Variants in PCBP4 observed in about 807,000 individuals in gnomAD.
PCBP4 encodes the protein poly(rC)-binding protein 4.
A neutral mutation model predicts 46.2 loss-of-function variants in PCBP4; 24 were observed. The ratio of observed to expected loss-of-function variants is 0.52; its 90% confidence interval spans 0.38 to 0.73. The LOEUF (loss-of-function observed/expected upper bound fraction) is 0.73. Among genes scored for constraint, PCBP4 ranks in the 30% least tolerant of loss-of-function variants. The pLI is 0.00. For synonymous variants in PCBP4, 203 were observed against 224.4 expected, an observed-to-expected ratio of 0.90 and a Z score of 0.85; for missense variants, 407 against 537.0, an observed-to-expected ratio of 0.76 and a Z score of 2.39.
Position 51,959,214 on chromosome 3 carries a change from G to A in PCBP4, c.700+15C>T, listed in dbSNP as rs1700014819. 6.2e-7 allele frequency: 1 copy of A among 1,613,750 alleles called. No homozygotes were observed. Among genetic ancestry groups the A allele is most frequent in the Non-Finnish European group, 8.5e-7 (1 of 1,179,840 alleles). ...TAGGACCCTCCCCCTGCCTCCTTGT[G>A]CAGGGGTGGCTTACCTGGCACCACG... On this transcript the variant is annotated intron_variant, in intron 11 of 13. Transcript: ENST00000461554. The surrounding 1 kb of genome is among the most constrained non-coding windows in gnomAD (Gnocchi z 5.6).
rs746575332 is a variant in PCBP4 at position 51,960,136 on chromosome 3, A to G, written c.387+53T>C. On this transcript the variant is annotated intron_variant, in intron 7 of 13. Transcript: ENST00000461554. This position sits in a 1 kb window ranked among gnomAD's most constrained non-coding sequence, Gnocchi z 5.0. ...ACGCCATAAGCCCAACACCCCTCTTACAACTGCTCCCTTGCCCCGGATTCC... is the reference window on the plus strand; with the variant it reads ...ACGCCATAAGCCCAACACCCCTCTTGCAACTGCTCCCTTGCCCCGGATTCC... 1.2e-6 allele frequency: 2 copies of G among 1,614,062 alleles called. No individual in the cohort carries two copies. Among genetic ancestry groups the G allele is most frequent in the East Asian group, 4.5e-5 (2 of 44,890 alleles).
Position 51,959,849 on chromosome 3 carries a change from C to T in PCBP4, c.516+46G>A, listed in dbSNP as rs1390297867. On this transcript the variant is annotated intron_variant, in intron 8 of 13. Transcript: ENST00000461554. This position sits in a 1 kb window ranked among gnomAD's most constrained non-coding sequence, Gnocchi z 5.6. Reference sequence around the variant, plus strand: ...GTTTGGGGTCCCCGACAAGGCAGACCCAGGGCCCATCTCCTGCCCCCTCTC... The same window carrying T: ...GTTTGGGGTCCCCGACAAGGCAGACTCAGGGCCCATCTCCTGCCCCCTCTC... 4 of 1,558,186 alleles carry T rather than the reference C, an allele frequency of 2.6e-6. No homozygotes were observed. The highest frequency in any genetic ancestry group is 3.5e-6 in the Non-Finnish European group (4 of 1,152,962).
intron 1 of PCBP4, among the ~76,000 whole-genome samples, chr3:51,964,203 G>C (rs1459356929): frequency 6.6e-6 from 1 of 152,192 alleles, no homozygotes; most frequent in Non-Finnish European, 1.5e-5. Flanking sequence ...AGGAGGCGGG[G>C]GGGTGACAGC....
intron 1 of PCBP4, among the ~76,000 whole-genome samples, chr3:51,965,993 A>G (rs1053256646): frequency 6.6e-6 from 1 of 152,202 alleles, no homozygotes; most frequent in East Asian, 1.9e-4. Flanking sequence ...CTTACCAATC[A>G]CAAGAGGGGC....
rs191496851 is a variant in PCBP4 at position 51,961,452 on chromosome 3, G to T, written c.-64-148C>A. On this transcript the variant is annotated intron_variant, in intron 2 of 13. Transcript: ENST00000461554. Reference sequence around the variant, plus strand: ...AGCGCCACACATCACTCTGACCAGGGTGCTTATGTGTGTCTCACGAGCTGT... The same window carrying T: ...AGCGCCACACATCACTCTGACCAGGTTGCTTATGTGTGTCTCACGAGCTGT... 3.2e-5 allele frequency: 30 copies of T among 926,482 alleles called. No homozygotes were observed. The African/African-American group carries it at 4.3e-4, about 13-fold the overall frequency. The allele number at this position is 926,482 out of a possible 1,614,324, so 57.4% of individuals were successfully genotyped here.
chr3:51,960,803 TG>T lies in PCBP4; in HGVS notation c.138+62del. Reference sequence around the variant, plus strand: ...CAGAAGGAGTGGTTCAGAGAGAAAGTGGGGCAGGGATCTCCCCTCCACATCA... The same window carrying T: ...CAGAAGGAGTGGTTCAGAGAGAAAGTGGGCAGGGATCTCCCCTCCACATCA... On this transcript the variant is annotated intron_variant, in intron 5 of 13. Coordinates refer to ENST00000461554, the MANE Select transcript of PCBP4 (RefSeq NM_001174100.2). The surrounding 1 kb of genome is among the most constrained non-coding windows in gnomAD (Gnocchi z 5.0). The T allele has an allele frequency of 6.4e-7, 1 of 1,573,700 alleles. No homozygotes were observed. Among genetic ancestry groups the T allele is most frequent in the Non-Finnish European group, 8.7e-7 (1 of 1,143,420 alleles).
In PCBP4 at chr3:51,960,798, G is replaced by C. The variant is rs962324643; in HGVS notation, c.138+68C>G. Reference sequence around the variant, plus strand: ...CAGCCCAGAAGGAGTGGTTCAGAGAGAAAGTGGGGCAGGGATCTCCCCTCC... The same window carrying C: ...CAGCCCAGAAGGAGTGGTTCAGAGACAAAGTGGGGCAGGGATCTCCCCTCC... On this transcript the variant is annotated intron_variant, in intron 5 of 13. Transcript: ENST00000461554. This position sits in a 1 kb window ranked among gnomAD's most constrained non-coding sequence, Gnocchi z 5.0. 4 of 1,570,880 alleles carry C rather than the reference G, an allele frequency of 2.5e-6. No individual in the cohort carries two copies. In the African/African-American group the frequency reaches 4.1e-5, roughly 16 times the overall value.
At position 51,960,364 on chromosome 3, in the gene PCBP4, T is replaced by C. The variant is rs1304024627; in HGVS notation, c.256-44A>G. ...GGGTTGGCCATGCTCGTCCCTGCTA[T>C]ATCTGCCCAGGGGTCAGGAGGGTAC... is the stretch of plus-strand genomic sequence containing the variant. On this transcript the variant is annotated intron_variant, in intron 6 of 13. Coordinates refer to ENST00000461554, the MANE Select transcript of PCBP4 (RefSeq NM_001174100.2). The surrounding 1 kb of genome is among the most constrained non-coding windows in gnomAD (Gnocchi z 5.0). 6.2e-7 allele frequency: 1 copy of C among 1,602,350 alleles called. No individual in the cohort carries two copies. The highest frequency in any genetic ancestry group is 1.1e-5 in the South Asian group (1 of 89,416).
At chr3:51,965,473 C>T (rs1320519442) in intron 1 of PCBP4, among the ~76,000 whole-genome samples, 1 of 152,232 alleles carries the variant, frequency 6.6e-6, no homozygotes, top group Non-Finnish European at 1.5e-5. Context: ...GATGTGATCA[C>T]TCAGGCCTCT....
chr3:51,959,956 A>G lies in PCBP4; in HGVS notation c.455T>C (p.Val152Ala), dbSNP rs1700064331. 6.2e-7 allele frequency: 1 copy of G among 1,613,060 alleles called. No homozygotes were observed. Among genetic ancestry groups the G allele is most frequent in the South Asian group, 1.1e-5 (1 of 91,016 alleles). The stretch of plus-strand genomic sequence containing the variant: ...GATGATGGCATCAGGCACCCCAGAT[A>G]CCGTAACAGCTCGCTCTGTGGAGTT... ...LPNSTERAVT[V>A]SGVPDAIILC... is the part of the protein sequence containing the mutation. Residue 152 changes from valine (V) to alanine (A), a missense_variant, in exon 8 of 14, where the codon GTA becomes GCA. Val to Ala is a moderately conservative substitution (Grantham distance 64). Transcript: ENST00000461554. The surrounding 1 kb of genome is among the most constrained non-coding windows in gnomAD (Gnocchi z 5.6).
Position 51,961,154 on chromosome 3 carries a change from G to C in PCBP4, c.81+6C>G, listed in dbSNP as rs191313924. The C allele has an allele frequency of 3.2e-3, 5,222 of 1,613,536 alleles. 12 individuals carry two copies. Among genetic ancestry groups the C allele is most frequent in the Non-Finnish European group, 4.1e-3 (4,824 of 1,179,954 alleles). ...TGCCTCGCCTGGCCCTCCACCTCCC[G>C]CTCACCTTCCCGTGCATCAGCATCC... On this transcript the variant is annotated splice_donor_region_variant and intron_variant, in intron 3 of 13. Coordinates refer to ENST00000461554, the MANE Select transcript of PCBP4 (RefSeq NM_001174100.2).
chr3:51,959,143 C>T lies in PCBP4; in HGVS notation c.701-44G>A, dbSNP rs376800399. ...ACTGAGTGTGGTTCTGGGCCTTTCC[C>T]GCCCCACCATTTCCACTCTCCCTGG... is the stretch of plus-strand genomic sequence containing the variant. On this transcript the variant is annotated intron_variant, in intron 11 of 13. Transcript: ENST00000461554. This position sits in a 1 kb window ranked among gnomAD's most constrained non-coding sequence, Gnocchi z 5.6. The T allele has an allele frequency of 1.5e-5, 24 of 1,612,984 alleles. No homozygotes were observed. The highest frequency in any genetic ancestry group is 1.1e-4 in the South Asian group (10 of 91,014).
At position 51,962,071 on chromosome 3, in the gene PCBP4, C is replaced by G. The variant is rs911975265; in HGVS notation, c.-195G>C. The G allele has an allele frequency of 1.3e-5, 2 of 152,294 alleles. No homozygotes were observed. Among genetic ancestry groups the G allele is most frequent in the Non-Finnish European group, 2.9e-5 (2 of 68,112 alleles). 9.4% of individuals were successfully genotyped at this position (152,294 alleles called of 1,614,324 possible). On this transcript the variant is annotated 5_prime_UTR_variant, in exon 2 of 14. Coordinates refer to ENST00000461554, the MANE Select transcript of PCBP4 (RefSeq NM_001174100.2). ...TGCACGTTGGTTTCCAATCTCTCTT[C>G]TATGTGCTGGAAATGGCCTTGGGAA...
intron 1 of PCBP4, among the ~76,000 whole-genome samples, chr3:51,966,088 G>A (rs986019076): frequency 3.3e-5 from 5 of 152,242 alleles, no homozygotes; most frequent in African/African-American, 1.2e-4. Context: ...GTCTACCTGT[G>A]CAGCTCAGAG....
At chr3:51,966,884 G>C (rs1409768622) in intron 1 of PCBP4, among the ~76,000 whole-genome samples, 1 of 151,768 alleles carries the variant, frequency 6.6e-6, no homozygotes, top group East Asian at 1.9e-4. Flanking sequence ...GGACCACTCT[G>C]AGCCCCCAGC....
chr3:51,960,841 C>A lies in PCBP4; in HGVS notation c.138+25G>T. 1 of 1,613,472 alleles carries A rather than the reference C, an allele frequency of 6.2e-7. No homozygotes were observed. Among genetic ancestry groups the A allele is most frequent in the Non-Finnish European group, 8.5e-7 (1 of 1,179,388 alleles). On this transcript the variant is annotated intron_variant, in intron 5 of 13. Coordinates refer to ENST00000461554, the MANE Select transcript of PCBP4 (RefSeq NM_001174100.2). This position sits in a 1 kb window ranked among gnomAD's most constrained non-coding sequence, Gnocchi z 5.0. ...TCCCCTCCACATCAGGTGCCCTGGG[C>A]TCCTCCCCCAAACTCCATCCTCACC...
chr3:51,960,805 G>T lies in PCBP4; in HGVS notation c.138+61C>A. The T allele has an allele frequency of 6.3e-7, 1 of 1,576,786 alleles. No homozygotes were observed. Among genetic ancestry groups the T allele is most frequent in the South Asian group, 1.1e-5 (1 of 90,312 alleles). On this transcript the variant is annotated intron_variant, in intron 5 of 13. Transcript: ENST00000461554. This position sits in a 1 kb window ranked among gnomAD's most constrained non-coding sequence, Gnocchi z 5.0. ...GAAGGAGTGGTTCAGAGAGAAAGTGGGGCAGGGATCTCCCCTCCACATCAG... is the reference window on the plus strand; with the variant it reads ...GAAGGAGTGGTTCAGAGAGAAAGTGTGGCAGGGATCTCCCCTCCACATCAG...
In PCBP4 at chr3:51,959,894, C is replaced by A; in HGVS notation, c.516+1G>T. The A allele has an allele frequency of 1.3e-6, 2 of 1,582,668 alleles. No individual in the cohort carries two copies. Among genetic ancestry groups the A allele is most frequent in the South Asian group, 1.2e-5 (1 of 85,572 alleles). On this transcript the variant is annotated splice_donor_variant, in intron 8 of 13. Transcript: ENST00000461554. LOFTEE classifies it high-confidence loss of function. The surrounding 1 kb of genome is among the most constrained non-coding windows in gnomAD (Gnocchi z 5.6). Reference sequence around the variant, plus strand: ...CCTCTCTCCCTGCCCCAGGGCAGCACCTCCAGGATAACAGCGCAGATCTGG... The same window carrying A: ...CCTCTCTCCCTGCCCCAGGGCAGCAACTCCAGGATAACAGCGCAGATCTGG...
chr3:51,967,436 T>G lies in PCBP4; in HGVS notation c.-323A>C, dbSNP rs1440476663. ...GCTCACAACTGCGAGTGACATCAGC[T>G]GCGAACAATGAGGGGTTTGACAGGC... On this transcript the variant is annotated 5_prime_UTR_variant, in exon 1 of 14. Transcript: ENST00000461554. 1 of 147,156 alleles carries G rather than the reference T, an allele frequency of 6.8e-6. No individual in the cohort carries two copies. The highest frequency in any genetic ancestry group is 2.1e-4 in the East Asian group (1 of 4,800). 9.1% of individuals were successfully genotyped at this position (147,156 alleles called of 1,614,324 possible). A position where few individuals can be genotyped will look rare whatever the true frequency, so the allele number is the denominator to read the frequency against.
Sources: allele counts gnomAD v4.1 joint callset (sites outside exome capture counted in the v4.1 genomes callset), GRCh38; gene constraint gnomAD v4.1.1; non-coding constraint Gnocchi (gnomAD v3.1); transcripts MANE v1.5; gene names NCBI Gene and HGNC (gene_info 2026-07-23, HGNC 2026-07-21).